Variants in COL8A1 observed in about 807,000 individuals in gnomAD.
COL8A1 encodes the protein collagen type VIII alpha 1 chain.
Under a neutral mutation model 42.7 loss-of-function variants are expected in COL8A1, and 21 were observed. The observed-to-expected ratio is 0.49, with a 90% CI of 0.35 to 0.71. The LOEUF is 0.71. COL8A1 is among the 30% of genes least tolerant of loss of function. COL8A1 has a pLI of 0.01. For synonymous variants in COL8A1, 367 were observed against 369.1 expected (o/e 0.99, Z 0.06); for missense variants, 788 against 962.4 (o/e 0.82, Z 2.40).
rs1366664901 is a variant in COL8A1, at chr3:99,697,015, C to T, written c.-128-47882C>T. Among the ~76,000 whole-genome samples the T allele has an allele frequency of 2.4e-4, 28 of 118,000 alleles. No homozygotes were observed. The East Asian group carries it at 5.3e-3, about 22-fold the overall frequency. The allele number at this position is 118,000 out of a possible 152,430, so 77.4% of individuals were successfully genotyped here. A position where few individuals can be genotyped will look rare whatever the true frequency, so the allele number is the denominator to read the frequency against. ...TTTTTTTTTTTTTTTGAGACGGAGT[C>T]TCGCTCTGTCGCCCAGGCTGGAGTG... is the stretch of plus-strand genomic sequence containing the variant. On this transcript the variant is annotated intron_variant, in intron 1 of 3. Coordinates refer to ENST00000652472, the MANE Select transcript of COL8A1 (RefSeq NM_020351.4).
intron 2 of COL8A1, among the ~76,000 whole-genome samples, chr3:99,787,029 C>T (rs1007091322): frequency 1.4e-4 from 22 of 152,150 alleles, no homozygotes; most frequent in African/African-American, 5.3e-4. Context: ...ACAACAGAGA[C>T]ACACATACAT....
At chr3:99,673,886 T>G (rs1276301266) in intron 1 of COL8A1, among the ~76,000 whole-genome samples, 2 of 152,080 alleles carry the variant, frequency 1.3e-5, no homozygotes, top group Non-Finnish European at 2.9e-5. Context: ...ATGTTATTAA[T>G]AGTGCCTACC....
chr3:99,701,639 A>C (rs1939543174), intron 1 of COL8A1, among the ~76,000 whole-genome samples: 1 of 152,144 alleles, frequency 6.6e-6, no homozygotes, highest in Non-Finnish European at 1.5e-5. Context: ...TATTTTCTTG[A>C]ATTGTGGAGT....
chr3:99,693,723 T>A (rs1234927156), intron 1 of COL8A1, among the ~76,000 whole-genome samples: 1 of 152,190 alleles, frequency 6.6e-6, no homozygotes. Context: ...GGTTAATTTA[T>A]TATTGAAGAA....
intron 1 of COL8A1, among the ~76,000 whole-genome samples, chr3:99,652,573 A>G (rs534156700): frequency 6.6e-6 from 1 of 152,334 alleles, no homozygotes; most frequent in Non-Finnish European, 1.5e-5. Context: ...ACATCCAGAA[A>G]TAGTTTGGAG....
chr3:99,734,100 G>A (rs562280292), intron 1 of COL8A1, among the ~76,000 whole-genome samples: 24 of 152,096 alleles, frequency 1.6e-4, no homozygotes, highest in African/African-American at 4.8e-4. Context: ...TTTGTAGGCT[G>A]CCTGTTAACT....
chr3:99,717,931 A>ATCAG (rs1245177157), intron 1 of COL8A1, among the ~76,000 whole-genome samples: 2 of 152,008 alleles, frequency 1.3e-5, no homozygotes. Context: ...CATATTGTTC[A>ATCAG]TCAGTCTCTA....
chr3:99,663,654 C>A, intron 1 of COL8A1, among the ~76,000 whole-genome samples: 1 of 152,016 alleles, frequency 6.6e-6, no homozygotes, highest in African/African-American at 2.4e-5. Flanking sequence ...TAATTGATTT[C>A]TGAAATTATG....
rs756867922 is a variant in COL8A1, at chr3:99,794,181, ATC to A, written c.329-38_329-37del. 1.5e-4 allele frequency: 172 copies of A among 1,182,618 alleles called. No homozygotes were observed. Among genetic ancestry groups the A allele is most frequent in the South Asian group, 2.0e-4 (13 of 63,640 alleles). The allele number at this position is 1,182,618 out of a possible 1,614,324, so 73.3% of individuals were successfully genotyped here. On this transcript the variant is annotated intron_variant, in intron 3 of 3. Transcript: ENST00000652472. The surrounding 1 kb of genome is among the most constrained non-coding windows in gnomAD (Gnocchi z 4.3). The stretch of plus-strand genomic sequence containing the variant: ...GATGTGAGAGACAATCTACTAATCA[ATC>A]TCTCTCTCTCCCCCCATACCCCTTC...
intron 1 of COL8A1, among the ~76,000 whole-genome samples, chr3:99,677,111 C>CTA (rs1320045433): frequency 6.7e-6 from 1 of 150,038 alleles, no homozygotes; most frequent in African/African-American, 2.5e-5. Context: ...TATATGTAAC[C>CTA]TATATATATA....
chr3:99,714,915 G>C (rs1939953482), intron 1 of COL8A1, among the ~76,000 whole-genome samples: 1 of 152,026 alleles, frequency 6.6e-6, no homozygotes, highest in African/African-American at 2.4e-5. Flanking sequence ...ATTTTATTTA[G>C]GAATAATTTA....
chr3:99,732,486 G>A (rs777132966), intron 1 of COL8A1, among the ~76,000 whole-genome samples: 5 of 152,068 alleles, frequency 3.3e-5, no homozygotes, highest in Non-Finnish European at 2.9e-5. Flanking sequence ...CCAAGCAAAA[G>A]GGGGAAAAGG....
intron 1 of COL8A1, among the ~76,000 whole-genome samples, chr3:99,734,114 A>G (rs975068929): frequency 6.6e-5 from 10 of 151,758 alleles, no homozygotes; most frequent in Non-Finnish European, 1.5e-4. Context: ...GTTAACTCTG[A>G]TGGTAGTTTC....
At chr3:99,694,189 CA>C (rs1939303554) in intron 1 of COL8A1, among the ~76,000 whole-genome samples, 1 of 152,062 alleles carries the variant, frequency 6.6e-6, no homozygotes, top group African/African-American at 2.4e-5. Flanking sequence ...GTACTTAGAA[CA>C]AAGAAAAAGT....
intron 1 of COL8A1, among the ~76,000 whole-genome samples, chr3:99,669,123 T>TTATATATA (rs775831851): frequency 4.1e-4 from 40 of 96,592 alleles, no homozygotes; most frequent in African/African-American, 1.5e-3. Flanking sequence ...CTTAAAAAAA[T>TTATATATA]TATATATATA....
At chr3:99,683,368 T>C (rs1444933802) in intron 1 of COL8A1, among the ~76,000 whole-genome samples, 1 of 152,096 alleles carries the variant, frequency 6.6e-6, no homozygotes, top group Non-Finnish European at 1.5e-5. Context: ...AGTTCTCAGC[T>C]GGAAAAGAAG....
chr3:99,649,703 G>C (rs538737808), intron 1 of COL8A1, among the ~76,000 whole-genome samples: 1 of 151,954 alleles, frequency 6.6e-6, no homozygotes, highest in African/African-American at 2.4e-5. Flanking sequence ...ACCAAGAACC[G>C]CGCTTCCACA....
rs533040370 is a variant in COL8A1, at chr3:99,737,503, T to C, written c.-128-7394T>C. On this transcript the variant is annotated intron_variant, in intron 1 of 3. Coordinates refer to ENST00000652472, the MANE Select transcript of COL8A1 (RefSeq NM_020351.4). ...ACTTATGAAGCTTAGTTTGGCTGGA[T>C]ATGAAATTCTGGGTTGAAAATTCTT... Among the ~76,000 whole-genome samples the C allele has an allele frequency of 7.3e-3, 1,114 of 152,256 alleles. 5 individuals are homozygous for C. Among genetic ancestry groups the C allele is most frequent in the Non-Finnish European group, 0.012 (805 of 68,012 alleles).
intron 2 of COL8A1, among the ~76,000 whole-genome samples, chr3:99,789,859 G>A (rs150400865): frequency 5.3e-4 from 81 of 152,198 alleles, no homozygotes; most frequent in African/African-American, 1.9e-3. Flanking sequence ...TGAATTCATA[G>A]TATTTTAATA....
Sources: allele counts gnomAD v4.1 joint callset (sites outside exome capture counted in the v4.1 genomes callset), GRCh38; gene constraint gnomAD v4.1.1; non-coding constraint Gnocchi (gnomAD v3.1); transcripts MANE v1.5; gene names NCBI Gene and HGNC (gene_info 2026-07-23, HGNC 2026-07-21).